The following PLD5 variants were observed in gnomAD, a reference collection of about 807,000 sequenced individuals.
The protein encoded by PLD5 is inactive phospholipase D5.
Under a neutral mutation model 61.1 loss-of-function variants are expected in PLD5, and 36 were observed. The ratio of observed to expected loss-of-function variants is 0.59; its 90% CI spans 0.45 to 0.78. The LOEUF (loss-of-function observed/expected upper bound fraction) is 0.78. Among genes scored for constraint, PLD5 ranks in the 30% least tolerant of loss-of-function variants. The pLI is 0.00. For synonymous variants in PLD5, 243 were observed against 242.8 expected, an observed-to-expected ratio of 1.00 and a Z score of -0.01; for missense variants, 515 against 644.4, an observed-to-expected ratio of 0.80 and a Z score of 2.17.
At chr1:242,195,713 CCCA>C (rs2148942615) in intron 5 of PLD5, among the ~76,000 whole-genome samples, 1 of 152,236 alleles carries the variant, frequency 6.6e-6, no homozygotes, top group Non-Finnish European at 1.5e-5. Flanking sequence ...GGACCTCTAC[CCCA>C]TAGGGCAGTA....
intron 5 of PLD5, among the ~76,000 whole-genome samples, chr1:242,183,117 T>G (rs900135910): frequency 3.3e-5 from 5 of 152,224 alleles, no homozygotes; most frequent in African/African-American, 9.6e-5. Flanking sequence ...TAATCTTGCT[T>G]TATTAAAAGT....
chr1:242,146,471 TA>T (rs1171487097), intron 5 of PLD5, among the ~76,000 whole-genome samples: 1 of 152,132 alleles, frequency 6.6e-6, no homozygotes, highest in East Asian at 1.9e-4. Flanking sequence ...TCTATTTACC[TA>T]AAAAAACCCT....
At chr1:242,339,565 G>A (rs781449721) in intron 2 of PLD5, among the ~76,000 whole-genome samples, 9 of 152,176 alleles carry the variant, frequency 5.9e-5, no homozygotes, top group Non-Finnish European at 1.3e-4. Flanking sequence ...CAGCCCTTGA[G>A]TCTCTGCCAA....
At position 242,083,909 on chromosome 1, in the gene PLD5, T is replaced by C. The variant is rs1299422797; in HGVS notation, c.*5945A>G. 1 of 152,200 alleles carries C rather than the reference T, an allele frequency of 6.6e-6. No homozygotes were observed. Among genetic ancestry groups the C allele is most frequent in the Admixed American group, 6.5e-5 (1 of 15,278 alleles). The allele number at this position is 152,200 out of a possible 1,614,324, so 9.4% of individuals were successfully genotyped here. A position where few individuals can be genotyped will look rare whatever the true frequency, so the allele number is the denominator to read the frequency against. On this transcript the variant is annotated 3_prime_UTR_variant, in exon 10 of 10. Transcript: ENST00000536534. ...AAAACTCTAAATTAGAAACCATCTG[T>C]GTTTGTCTTGCAAGGGGCTCAGAAT...
chr1:242,369,642 T>C (rs145621808), intron 1 of PLD5, among the ~76,000 whole-genome samples: 2 of 152,344 alleles, frequency 1.3e-5, no homozygotes, highest in East Asian at 1.9e-4. Context: ...GGAGTTGTCA[T>C]GTAAAAGATG....
chr1:242,356,120 T>G (rs952701160), intron 1 of PLD5, among the ~76,000 whole-genome samples: 2 of 150,834 alleles, frequency 1.3e-5, no homozygotes, highest in Non-Finnish European at 3.0e-5. Flanking sequence ...GTTGCTCAAG[T>G]CCACTGTTTT....
At chr1:242,333,707 A>G (rs1423852468) in intron 2 of PLD5, among the ~76,000 whole-genome samples, 4 of 152,158 alleles carry the variant, frequency 2.6e-5, no homozygotes, top group Non-Finnish European at 5.9e-5. Context: ...TATCCTCATG[A>G]GATCCACAAT....
chr1:242,107,947 G>T, intron 7 of PLD5, 108 bp from the exon 8 acceptor site: 2 of 1,081,868 alleles, frequency 1.8e-6, no homozygotes, highest in Non-Finnish European at 2.6e-6. Context: ...ACTTTATCCT[G>T]TAATATATAT....
At chr1:242,113,826 G>A (rs924469570) in intron 7 of PLD5, 64 bp downstream of exon 7, 4 of 1,536,632 alleles carry the variant, frequency 2.6e-6, no homozygotes, top group Admixed American at 2.0e-5. Context: ...CTTCTCCTGT[G>A]GTGCCCAGTT....
rs1558227323 is a variant in PLD5, at chr1:242,107,661, TAATACTTAC to T, written c.1239+1_1239+9del. ...TTTTTATTTAATAACACAGTCAACG[TAATACTTAC>T]AACTTTCAAACTGCAGTTGGCTATT... On this transcript the variant is annotated splice_donor_variant and splice_donor_5th_base_variant and intron_variant, in intron 8 of 9. Transcript: ENST00000536534. LOFTEE classifies it high-confidence loss of function. The T allele has an allele frequency of 6.3e-7, 1 of 1,575,868 alleles. No homozygotes were observed. Among genetic ancestry groups the T allele is most frequent in the Non-Finnish European group, 8.6e-7 (1 of 1,165,150 alleles).
rs529043425 is a variant in PLD5 at position 242,424,247 on chromosome 1, T to A, written c.190-76005A>T. The stretch of plus-strand genomic sequence containing the variant: ...CTATGCTCTACTGATAATGTTACTA[T>A]GTCTCTTCTAAACACTAAATCTAAT... On this transcript the variant is annotated intron_variant, in intron 1 of 9. Coordinates refer to ENST00000536534, the MANE Select transcript of PLD5 (RefSeq NM_001372062.1). Among the ~76,000 whole-genome samples, 3 of 152,286 alleles carry A rather than the reference T, an allele frequency of 2.0e-5. No homozygotes were observed. The South Asian group carries it at 6.2e-4, about 32-fold the overall frequency.
At chr1:242,432,880 T>C (rs1449701061) in intron 1 of PLD5, among the ~76,000 whole-genome samples, 1 of 152,120 alleles carries the variant, frequency 6.6e-6, no homozygotes, top group Admixed American at 6.5e-5. Context: ...CCATTTAAAA[T>C]GAGACCAAGA....
chr1:242,493,419 G>A (rs1422054865), intron 1 of PLD5, among the ~76,000 whole-genome samples: 1 of 152,188 alleles, frequency 6.6e-6, no homozygotes, highest in African/African-American at 2.4e-5. Context: ...CGAGCACCGG[G>A]TTATGCTTCT....
chr1:242,128,479 T>C (rs1382725101), intron 5 of PLD5, among the ~76,000 whole-genome samples: 1 of 152,204 alleles, frequency 6.6e-6, no homozygotes, highest in East Asian at 1.9e-4. Context: ...CACTCCCTGC[T>C]GACTCTCTCC....
chr1:242,450,580 G>C (rs2102923051), intron 1 of PLD5, among the ~76,000 whole-genome samples: 1 of 152,166 alleles, frequency 6.6e-6, no homozygotes, highest in Admixed American at 6.5e-5. Context: ...GGCCTAGAAA[G>C]GGCTGGAATA....
chr1:242,469,163 A>G (rs1446182888), intron 1 of PLD5, among the ~76,000 whole-genome samples: 2 of 152,266 alleles, frequency 1.3e-5, no homozygotes, highest in Non-Finnish European at 2.9e-5. Context: ...GCATCAGCGT[A>G]TCTTGAAAGT....
chr1:242,329,339 G>A (rs550915749), intron 2 of PLD5, among the ~76,000 whole-genome samples: 23 of 152,248 alleles, frequency 1.5e-4, no homozygotes, highest in Admixed American at 1.3e-3. Context: ...AAATTTTGGT[G>A]TTTATGTGAA....
chr1:242,169,260 G>A (rs1432066655), intron 5 of PLD5, among the ~76,000 whole-genome samples: 2 of 152,186 alleles, frequency 1.3e-5, no homozygotes, highest in Non-Finnish European at 2.9e-5. Flanking sequence ...CACTGGGAAT[G>A]GTTGGACAGT....
At chr1:242,240,940 T>C (rs1354059111) in intron 4 of PLD5, among the ~76,000 whole-genome samples, 1 of 152,144 alleles carries the variant, frequency 6.6e-6, no homozygotes, top group Non-Finnish European at 1.5e-5. Flanking sequence ...GAGAACTGGG[T>C]GGCTGTAAAA....
Sources: gnomAD v4.1 joint callset for allele counts (sites outside exome capture counted in the v4.1 genomes callset) on GRCh38, gnomAD v4.1.1 for gene constraint, MANE v1.5 for transcripts, NCBI Gene and HGNC (gene_info 2026-07-23, HGNC 2026-07-21) for gene names.